Variants in PTPRD observed in about 807,000 individuals in gnomAD.
PTPRD encodes the protein protein tyrosine phosphatase receptor type D, also known as receptor-type tyrosine-protein phosphatase delta.
In PTPRD, 34 loss-of-function variants were observed where a neutral mutation model predicts 214.5. The observed-to-expected ratio is 0.16, with a 90% confidence interval of 0.12 to 0.21. PTPRD has a LOEUF of 0.21. Among genes scored for constraint, PTPRD ranks in the 10% least tolerant of loss-of-function variants. PTPRD has a pLI of 1.00. For missense variants in PTPRD, 2,545 were observed against 2,398.7 expected (o/e 1.06, Z -1.27); for synonymous variants, 1,128 against 845.7 (o/e 1.33, Z -5.79).
At chr9:9,113,964 T>G (rs777926433) in intron 10 of PTPRD, among the ~76,000 whole-genome samples, 3 of 152,168 alleles carry the variant, frequency 2.0e-5, no homozygotes, top group African/African-American at 7.2e-5. Flanking sequence ...GGTCTGTTGA[T>G]GGAAGGAGCT....
intron 3 of PTPRD, among the ~76,000 whole-genome samples, chr9:10,215,491 G>A (rs1447947197): frequency 6.6e-6 from 1 of 152,014 alleles, no homozygotes; most frequent in Non-Finnish European, 1.5e-5. Flanking sequence ...ACATAATTTT[G>A]TAGTCAGGCA....
intron 9 of PTPRD, among the ~76,000 whole-genome samples, chr9:9,356,759 C>G (rs1467590446): frequency 6.6e-6 from 1 of 151,354 alleles, no homozygotes; most frequent in African/African-American, 2.4e-5. Flanking sequence ...ACAATACTCC[C>G]TCTAGGTTTG....
At chr9:9,935,256 A>C (rs1158195655) in intron 5 of PTPRD, among the ~76,000 whole-genome samples, 1 of 152,080 alleles carries the variant, frequency 6.6e-6, no homozygotes, top group Non-Finnish European at 1.5e-5. Flanking sequence ...AATAAAGGGT[A>C]TTCAATTAGG....
At chr9:9,586,431 G>C (rs951201879) in intron 7 of PTPRD, among the ~76,000 whole-genome samples, 1 of 151,880 alleles carries the variant, frequency 6.6e-6, no homozygotes, top group Non-Finnish European at 1.5e-5. Context: ...TTCTTGAGTT[G>C]AGTTTTATGT....
chr9:8,581,580 C>G (rs950519670), intron 14 of PTPRD, among the ~76,000 whole-genome samples: 2 of 151,600 alleles, frequency 1.3e-5, no homozygotes, highest in African/African-American at 4.8e-5. Flanking sequence ...AACCCCATCT[C>G]TACTAAAAAT....
chr9:9,211,705 C>G (rs2099948850), intron 9 of PTPRD, among the ~76,000 whole-genome samples: 1 of 152,100 alleles, frequency 6.6e-6, no homozygotes. Flanking sequence ...ATAACAATAA[C>G]CATCAAATTT....
At chr9:8,756,919 TCACTTGAGG>T (rs1216800076) in intron 11 of PTPRD, among the ~76,000 whole-genome samples, 2 of 152,064 alleles carry the variant, frequency 1.3e-5, no homozygotes, top group Non-Finnish European at 1.5e-5. Context: ...GGTGGGCAGA[TCACTTGAGG>T]TTAGGAGTTC....
chr9:10,473,081 C>T (rs923169959), intron 2 of PTPRD, among the ~76,000 whole-genome samples: 3 of 151,924 alleles, frequency 2.0e-5, no homozygotes, highest in Admixed American at 2.0e-4. Flanking sequence ...TTATATCACG[C>T]TCCAGTACCC....
intron 8 of PTPRD, among the ~76,000 whole-genome samples, chr9:9,397,980 C>G (rs553370957): frequency 1.3e-5 from 2 of 152,044 alleles, no homozygotes; most frequent in East Asian, 3.9e-4. Context: ...CCTATTCTAA[C>G]TGTTTATGAT....
intron 5 of PTPRD, among the ~76,000 whole-genome samples, chr9:9,925,823 T>C (rs1391734050): frequency 2.0e-5 from 3 of 152,066 alleles, no homozygotes; most frequent in East Asian, 1.9e-4. Flanking sequence ...TATACTAATC[T>C]CCCTTTGTTT....
chr9:10,588,536 G>C (rs1246449812), intron 2 of PTPRD, among the ~76,000 whole-genome samples: 1 of 151,392 alleles, frequency 6.6e-6, no homozygotes, highest in Non-Finnish European at 1.5e-5. Flanking sequence ...CATGGAATCA[G>C]AACTCATACT....
chr9:9,321,142 T>G (rs1036893830), intron 9 of PTPRD, among the ~76,000 whole-genome samples: 3 of 152,276 alleles, frequency 2.0e-5, no homozygotes, highest in African/African-American at 7.2e-5. Context: ...ACGTATGAAA[T>G]AAAGATACAA....
chr9:8,803,180 T>C (rs969060313), intron 11 of PTPRD, among the ~76,000 whole-genome samples: 2 of 152,148 alleles, frequency 1.3e-5, no homozygotes, highest in African/African-American at 4.8e-5. Flanking sequence ...TTATAGCCAA[T>C]GTTAGCTATT....
At chr9:8,963,312 G>C (rs2099168484) in intron 11 of PTPRD, among the ~76,000 whole-genome samples, 1 of 152,088 alleles carries the variant, frequency 6.6e-6, no homozygotes, top group South Asian at 2.1e-4. Flanking sequence ...AGTAATACAT[G>C]GGAGGATTTT....
chr9:9,574,406 A>ATT, intron 8 of PTPRD, among the ~76,000 whole-genome samples: 1 of 152,010 alleles, frequency 6.6e-6, no homozygotes, highest in African/African-American at 2.4e-5. Flanking sequence ...ATTGCCATCA[A>ATT]ATAGACTTCA....
rs753604023 is a variant in PTPRD at position 8,470,995 on chromosome 9, C to T, written c.3504G>A (p.Glu1168=). The T allele has an allele frequency of 6.2e-7, 1 of 1,610,952 alleles. No homozygotes were observed. The highest frequency in any genetic ancestry group is 1.1e-5 in the South Asian group (1 of 91,020). The change falls in exon 31 of 46, where the codon GAG becomes GAA. Residue 1168 remains glutamate, a splice_region_variant and synonymous_variant. Transcript: ENST00000381196. ...WESPDEMELD[E]LLKEISRKRR... ...ACATGGCCAACAATGACACAGTTACCTCATCTAATTCCATTTCATCTGGAC... is the reference window on the plus strand; with the variant it reads ...ACATGGCCAACAATGACACAGTTACTTCATCTAATTCCATTTCATCTGGAC...
At chr9:8,841,847 C>T (rs1279887032) in intron 11 of PTPRD, among the ~76,000 whole-genome samples, 3 of 151,896 alleles carry the variant, frequency 2.0e-5, no homozygotes, top group African/African-American at 7.3e-5. Context: ...CCCATCTCTA[C>T]TAAAAATACA....
At chr9:8,708,766 T>C (rs539800101) in intron 12 of PTPRD, among the ~76,000 whole-genome samples, 1 of 141,892 alleles carries the variant, frequency 7.0e-6, no homozygotes, top group Non-Finnish European at 1.5e-5. Context: ...GGAAATGAAA[T>C]AGGTATGTCA....
intron 9 of PTPRD, among the ~76,000 whole-genome samples, chr9:9,369,628 G>T (rs1456327917): frequency 6.6e-6 from 1 of 152,012 alleles, no homozygotes; most frequent in Non-Finnish European, 1.5e-5. Context: ...GATCCCATTT[G>T]TCAATTTTGG....
Sources: allele counts gnomAD v4.1 joint callset (sites outside exome capture counted in the v4.1 genomes callset), GRCh38; gene constraint gnomAD v4.1.1; transcripts MANE v1.5; gene names NCBI Gene and HGNC (gene_info 2026-07-23, HGNC 2026-07-21).